Variants in TBC1D32 observed in about 807,000 individuals in gnomAD.
TBC1D32 encodes the protein TBC1 domain family member 32.
A neutral mutation model predicts 170.3 loss-of-function variants in TBC1D32; 151 were observed. The ratio of observed to expected loss-of-function variants is 0.89; its 90% CI spans 0.78 to 1.01. The LOEUF (loss-of-function observed/expected upper bound fraction) is 1.01. TBC1D32 is among the 50% of genes least tolerant of loss of function. The pLI is 0.00. For synonymous variants in TBC1D32, 498 were observed against 488.0 expected, an observed-to-expected ratio of 1.02 and a Z score of -0.27; for missense variants, 1,464 against 1,457.1, an observed-to-expected ratio of 1.00 and a Z score of -0.08.
At chr6:121,091,610 G>T (rs1188900474) in intron 30 of TBC1D32, among the ~76,000 whole-genome samples, 1 of 151,866 alleles carries the variant, frequency 6.6e-6, no homozygotes, top group Non-Finnish European at 1.5e-5. Flanking sequence ...TTTATTTTTT[G>T]AATAACATTT....
At position 121,204,038 on chromosome 6, in the gene TBC1D32, C is replaced by G. The variant is rs966112194; in HGVS notation, c.2570+1037G>C. Among the ~76,000 whole-genome samples, 21 of 150,448 alleles carry G rather than the reference C, an allele frequency of 1.4e-4. 3 individuals carry two copies. Among genetic ancestry groups the G allele is most frequent in the African/African-American group, 4.5e-4 (18 of 40,330 alleles). Reference sequence around the variant, plus strand: ...GCTCAGTATATCAACAACAAGAGGCCAAAATCGATGTTCTATAACTGCAAA... The same window carrying G: ...GCTCAGTATATCAACAACAAGAGGCGAAAATCGATGTTCTATAACTGCAAA... On this transcript the variant is annotated intron_variant, in intron 22 of 31. Coordinates refer to ENST00000398212, the MANE Select transcript of TBC1D32 (RefSeq NM_152730.6).
At chr6:121,108,755 C>T (rs539113887) in intron 29 of TBC1D32, among the ~76,000 whole-genome samples, 74 of 151,944 alleles carry the variant, frequency 4.9e-4, no homozygotes, top group African/African-American at 1.7e-3. Context: ...ACTAGTTCTA[C>T]TTTGCTATGA....
chr6:121,184,561 C>T (rs1397012671), intron 22 of TBC1D32, among the ~76,000 whole-genome samples: 1 of 151,816 alleles, frequency 6.6e-6, no homozygotes, highest in Non-Finnish European at 1.5e-5. Flanking sequence ...ATTCTGTCAA[C>T]TTTATGACCT....
intron 22 of TBC1D32, among the ~76,000 whole-genome samples, chr6:121,192,085 C>CATATATATATATATATAAAA (rs1221051008): frequency 3.0e-5 from 2 of 66,354 alleles, no homozygotes; most frequent in Admixed American, 3.8e-4. Flanking sequence ...TATATATATC[C>CATATATATATATATATAAAA]TATTAGTTCT....
intron 24 of TBC1D32, among the ~76,000 whole-genome samples, chr6:121,135,627 C>T (rs1459528795): frequency 6.6e-6 from 1 of 152,128 alleles, no homozygotes; most frequent in Non-Finnish European, 1.5e-5. Context: ...CTCTAGCAAA[C>T]TGGCTAACTA....
At position 121,294,393 on chromosome 6, in the gene TBC1D32, AAAT is replaced by A. The variant is rs1805308073; in HGVS notation, c.1231+174_1231+176del. ...ATTTCAAATGTAGATCTGTTATAAA[AAAT>A]AATGATTATAGTGTATCTTATAAAT... On this transcript the variant is annotated intron_variant, in intron 11 of 31. Coordinates refer to ENST00000398212, the MANE Select transcript of TBC1D32 (RefSeq NM_152730.6). Among the ~76,000 whole-genome samples the A allele has an allele frequency of 2.0e-5, 3 of 152,202 alleles. No homozygotes were observed. In the South Asian group the frequency reaches 6.2e-4, roughly 32 times the overall value.
At chr6:121,129,366 T>A (rs1054614896) in intron 25 of TBC1D32, among the ~76,000 whole-genome samples, 2 of 152,186 alleles carry the variant, frequency 1.3e-5, no homozygotes, top group South Asian at 2.1e-4. Context: ...TAGGCTAGGT[T>A]AAGCTATGAT....
chr6:121,332,064 T>C (rs1474672334), intron 1 of TBC1D32, among the ~76,000 whole-genome samples: 2 of 152,210 alleles, frequency 1.3e-5, no homozygotes, highest in Admixed American at 1.3e-4. Flanking sequence ...AACAAGCATT[T>C]ATTTAATCTA....
intron 26 of TBC1D32, among the ~76,000 whole-genome samples, chr6:121,118,046 G>C (rs902348945): frequency 2.6e-5 from 4 of 152,108 alleles, no homozygotes; most frequent in Admixed American, 2.6e-4. Context: ...ATTGATCTAG[G>C]AAAAACAGTG....
intron 3 of TBC1D32, among the ~76,000 whole-genome samples, chr6:121,315,777 T>C (rs1808846725): frequency 6.6e-6 from 1 of 152,116 alleles, no homozygotes; most frequent in Non-Finnish European, 1.5e-5. Context: ...CTCTCTTTGG[T>C]CAGCTATATG....
At chr6:121,307,873 AAAAAG>A (rs1332570271) in intron 5 of TBC1D32, 98 bp downstream of exon 5, 15 of 1,362,168 alleles carry the variant, frequency 1.1e-5, no homozygotes, top group Middle Eastern at 2.0e-4. Flanking sequence ...AAAAAAAACA[AAAAAG>A]AAAAGAAAAG....
chr6:121,133,993 C>T lies in TBC1D32; in HGVS notation c.2774-2241G>A, dbSNP rs180928661. On this transcript the variant is annotated intron_variant, in intron 24 of 31. Coordinates refer to ENST00000398212, the MANE Select transcript of TBC1D32 (RefSeq NM_152730.6). ...TTACTGAAAATTATGTTATTGCTAA[C>T]AAAAAAGTTTTAATGTTAAATGTAT... is the stretch of plus-strand genomic sequence containing the variant. 6.0e-3 allele frequency among the ~76,000 whole-genome samples: 898 copies of T among 149,706 alleles called. 4 individuals are homozygous for T. The highest frequency in any genetic ancestry group is 9.7e-3 in the Non-Finnish European group (652 of 67,390).
intron 31 of TBC1D32, among the ~76,000 whole-genome samples, chr6:121,086,407 G>A (rs954043654): frequency 1.3e-5 from 2 of 152,020 alleles, no homozygotes; most frequent in African/African-American, 4.8e-5. Context: ...CTCAGATGGT[G>A]AACTGTTTTA....
chr6:121,098,199 A>C (rs764676925), intron 30 of TBC1D32, among the ~76,000 whole-genome samples: 3,738 of 127,118 alleles, frequency 0.029, 166 homozygotes, highest in East Asian at 0.13. Context: ...GTAGAATAAT[A>C]ATAATAATAA....
intron 24 of TBC1D32, among the ~76,000 whole-genome samples, chr6:121,154,070 C>A (rs967493506): frequency 4.0e-5 from 6 of 149,832 alleles, no homozygotes; most frequent in African/African-American, 1.5e-4. Flanking sequence ...CTGCACCTAG[C>A]TTGGTGTCTG....
At chr6:121,258,015 T>G (rs1013779305) in intron 15 of TBC1D32, among the ~76,000 whole-genome samples, 2 of 152,106 alleles carry the variant, frequency 1.3e-5, no homozygotes, top group Non-Finnish European at 2.9e-5. Flanking sequence ...ATTCCAGTGA[T>G]AGTGCTGGGA....
chr6:121,234,472 G>T (rs1255531599), intron 20 of TBC1D32, among the ~76,000 whole-genome samples: 1 of 151,904 alleles, frequency 6.6e-6, no homozygotes, highest in Non-Finnish European at 1.5e-5. Context: ...TTTGAGCTCT[G>T]AAGTTCTTTC....
At chr6:121,206,437 C>A (rs1792285735) in intron 21 of TBC1D32, among the ~76,000 whole-genome samples, 1 of 151,908 alleles carries the variant, frequency 6.6e-6, no homozygotes, top group Non-Finnish European at 1.5e-5. Context: ...AGTAAAGTCA[C>A]ATAATATTTA....
intron 1 of TBC1D32, among the ~76,000 whole-genome samples, chr6:121,322,934 C>A (rs1371290655): frequency 6.6e-6 from 1 of 151,914 alleles, no homozygotes; most frequent in African/African-American, 2.4e-5. Flanking sequence ...TATAATTATA[C>A]CCCCCATATA....
Sources: gnomAD v4.1 joint callset for allele counts (sites outside exome capture counted in the v4.1 genomes callset) on GRCh38, gnomAD v4.1.1 for gene constraint, MANE v1.5 for transcripts, NCBI Gene and HGNC (gene_info 2026-07-23, HGNC 2026-07-21) for gene names.